The following MTX2 variants were observed in gnomAD, a reference collection of about 807,000 sequenced individuals.
MTX2 encodes the protein metaxin 2.
Under a neutral mutation model 42.3 loss-of-function variants are expected in MTX2, and 35 were observed. The observed-to-expected ratio is 0.83, with a 90% CI of 0.63 to 1.10. MTX2 has a LOEUF of 1.10. Among genes scored for constraint, MTX2 ranks in the 50% least tolerant of loss-of-function variants. The pLI is 0.00. For synonymous variants in MTX2, 119 were observed against 100.9 expected (o/e 1.18, Z -1.08); for missense variants, 307 against 304.1 (o/e 1.01, Z -0.07).
chr2:176,306,976 C>G (rs1684165776), intron 3 of MTX2, among the ~76,000 whole-genome samples: 1 of 152,126 alleles, frequency 6.6e-6, no homozygotes, highest in South Asian at 2.1e-4. Context: ...ACATGAAGTC[C>G]TTGCCCATGC....
At chr2:176,285,006 C>T (rs539292037) in intron 1 of MTX2, among the ~76,000 whole-genome samples, 3 of 152,292 alleles carry the variant, frequency 2.0e-5, no homozygotes, top group South Asian at 4.1e-4. Flanking sequence ...TTGAGAACTA[C>T]TGTTGTAAGA....
Position 176,309,192 on chromosome 2 carries a change from C to T in MTX2, c.135+11297C>T, listed in dbSNP as rs1403019900. Among the ~76,000 whole-genome samples the T allele has an allele frequency of 2.0e-5, 3 of 151,992 alleles. No individual in the cohort carries two copies. In the South Asian group the frequency reaches 6.2e-4, roughly 32 times the overall value. Reference sequence around the variant, plus strand: ...AGCAGGTTGTTCAGTTTCCATGTAGCTGAGCAGTTCTGAGTGAGTTTCTTA... The same window carrying T: ...AGCAGGTTGTTCAGTTTCCATGTAGTTGAGCAGTTCTGAGTGAGTTTCTTA... On this transcript the variant is annotated intron_variant, in intron 3 of 9. Coordinates refer to ENST00000249442, the MANE Select transcript of MTX2 (RefSeq NM_006554.5).
Position 176,329,305 on chromosome 2 carries a change from C to G in MTX2, c.422C>G (p.Thr141Ser), listed in dbSNP as rs748581416. The G allele has an allele frequency of 6.2e-7, 1 of 1,603,538 alleles. No individual in the cohort carries two copies. Among genetic ancestry groups the G allele is most frequent in the Non-Finnish European group, 8.5e-7 (1 of 1,173,868 alleles). ...WCDEATVGEI[T>S]HARYGSPYPW... ...TACAAAATCTTTTTACTTTAGATCA[C>G]TCATGCTAGGTATGGATCTCCTTAC... Residue 141 changes from threonine (T) to serine (S), a missense_variant, in exon 8 of 10, where the codon ACT becomes AGT. Transcript: ENST00000249442.
chr2:176,275,637 A>C (rs1692929179), intron 1 of MTX2, among the ~76,000 whole-genome samples: 1 of 152,110 alleles, frequency 6.6e-6, no homozygotes, highest in African/African-American at 2.4e-5. Context: ...TTTAATGGAG[A>C]GATTTTTCAA....
chr2:176,333,156 GTCTA>G (rs1410040701), intron 9 of MTX2, among the ~76,000 whole-genome samples: 1 of 151,346 alleles, frequency 6.6e-6, no homozygotes, highest in African/African-American at 2.4e-5. Context: ...CTAATAAAAA[GTCTA>G]TAAAGATAAA....
At chr2:176,285,807 T>G (rs915193114) in intron 1 of MTX2, among the ~76,000 whole-genome samples, 1 of 152,224 alleles carries the variant, frequency 6.6e-6, no homozygotes, top group Non-Finnish European at 1.5e-5. Flanking sequence ...CTGGGTTGCT[T>G]TCCTTTTTGA....
In MTX2 at chr2:176,269,474, GC is replaced by G; in HGVS notation, c.-154del. ...GCCAGGCCTGGCGGTAACCTTGGGGGCCTCACTGCAGCCGCCGCTGCTGTTG... is the reference window on the plus strand; with the variant it reads ...GCCAGGCCTGGCGGTAACCTTGGGGGCTCACTGCAGCCGCCGCTGCTGTTG... On this transcript the variant is annotated 5_prime_UTR_variant, in exon 1 of 10. Transcript: ENST00000249442. 1.3e-6 allele frequency: 1 copy of G among 770,856 alleles called. No homozygotes were observed. The highest frequency in any genetic ancestry group is 1.9e-6 in the Non-Finnish European group (1 of 513,006). The allele number at this position is 770,856 out of a possible 1,614,324, so 47.8% of individuals were successfully genotyped here.
At chr2:176,284,330 A>T (rs1693147908) in intron 1 of MTX2, among the ~76,000 whole-genome samples, 1 of 152,150 alleles carries the variant, frequency 6.6e-6, no homozygotes, top group East Asian at 1.9e-4. Context: ...GGAAGAATGG[A>T]AAGTTTTAAA....
At chr2:176,290,773 T>C (rs1273731960) in intron 1 of MTX2, among the ~76,000 whole-genome samples, 1 of 150,788 alleles carries the variant, frequency 6.6e-6, no homozygotes, top group Non-Finnish European at 1.5e-5. Flanking sequence ...TTTCCTCTCA[T>C]GTCATGCTTT....
Position 176,296,858 on chromosome 2 carries a change from A to C in MTX2, c.41-2A>C. 6.2e-7 allele frequency: 1 copy of C among 1,613,424 alleles called. No homozygotes were observed. Among genetic ancestry groups the C allele is most frequent in the African/African-American group, 1.3e-5 (1 of 75,010 alleles). Reference sequence around the variant, plus strand: ...CTAATTATCACTGCCTTGTTTCCATAGCTGCAGAACCTTGGCCTGAAAATG... The same window carrying C: ...CTAATTATCACTGCCTTGTTTCCATCGCTGCAGAACCTTGGCCTGAAAATG... On this transcript the variant is annotated splice_acceptor_variant, in intron 1 of 9. Transcript: ENST00000249442. LOFTEE classifies it high-confidence loss of function.
intron 1 of MTX2, among the ~76,000 whole-genome samples, chr2:176,285,250 A>G (rs1200333102): frequency 1.3e-5 from 2 of 152,096 alleles, no homozygotes; most frequent in African/African-American, 4.8e-5. Context: ...TACCTCATAA[A>G]GTTGTGGGAT....
chr2:176,289,790 C>G (rs1304310276), intron 1 of MTX2, among the ~76,000 whole-genome samples: 1 of 151,852 alleles, frequency 6.6e-6, no homozygotes, highest in Non-Finnish European at 1.5e-5. Flanking sequence ...TAATTTAGAA[C>G]TCTTATAATG....
chr2:176,291,160 A>T (rs1693320395), intron 1 of MTX2, among the ~76,000 whole-genome samples: 1 of 152,160 alleles, frequency 6.6e-6, no homozygotes, highest in African/African-American at 2.4e-5. Context: ...AAGTAGAGTT[A>T]AAAAAGATAA....
chr2:176,297,833 C>T lies in MTX2; in HGVS notation c.89-16C>T, dbSNP rs753747786. 1.3e-6 allele frequency: 2 copies of T among 1,523,592 alleles called. No individual in the cohort carries two copies. The highest frequency in any genetic ancestry group is 3.7e-5 in the Admixed American group (2 of 54,714). The allele number at this position is 1,523,592 out of a possible 1,614,324, so 94.4% of individuals were successfully genotyped here. ...TTCTACTTGGTTAACATTTATGCTT[C>T]ATTGTATTTCCACAGGGGAGCAAAT... is the stretch of plus-strand genomic sequence containing the variant. On this transcript the variant is annotated splice_polypyrimidine_tract_variant and intron_variant, in intron 2 of 9. Coordinates refer to ENST00000249442, the MANE Select transcript of MTX2 (RefSeq NM_006554.5).
chr2:176,295,435 T>C (rs369301259), intron 1 of MTX2, among the ~76,000 whole-genome samples: 9 of 152,186 alleles, frequency 5.9e-5, no homozygotes, highest in African/African-American at 2.2e-4. Context: ...TGGGTTCTTA[T>C]TGAAATTTTA....
At chr2:176,329,772 T>G (rs576057455) in intron 8 of MTX2, among the ~76,000 whole-genome samples, 1 of 150,372 alleles carries the variant, frequency 6.7e-6, no homozygotes, top group African/African-American at 2.4e-5. Flanking sequence ...CTGAGGGTTT[T>G]TTTTTTTTTT....
At chr2:176,302,037 T>C (rs756097835) in intron 3 of MTX2, among the ~76,000 whole-genome samples, 40 of 152,110 alleles carry the variant, frequency 2.6e-4, no homozygotes, top group Non-Finnish European at 5.0e-4. Context: ...AGAAGTCCAA[T>C]GTGCTAGCCG....
At position 176,279,249 on chromosome 2, in the gene MTX2, T is replaced by G. The variant is rs73036829; in HGVS notation, c.40+9580T>G. 7.2e-3 allele frequency among the ~76,000 whole-genome samples: 1,098 copies of G among 152,272 alleles called. 15 individuals are homozygous for G. Among genetic ancestry groups the G allele is most frequent in the African/African-American group, 0.026 (1,060 of 41,568 alleles). On this transcript the variant is annotated intron_variant, in intron 1 of 9. Coordinates refer to ENST00000249442, the MANE Select transcript of MTX2 (RefSeq NM_006554.5). Reference sequence around the variant, plus strand: ...TATTTATTACAGTGGATACAGTATCTTTGAGTATTACAATGGTATTTACCC... The same window carrying G: ...TATTTATTACAGTGGATACAGTATCGTTGAGTATTACAATGGTATTTACCC...
chr2:176,274,898 C>A (rs1575029526), intron 1 of MTX2, among the ~76,000 whole-genome samples: 1 of 152,186 alleles, frequency 6.6e-6, no homozygotes, highest in Non-Finnish European at 1.5e-5. Flanking sequence ...AAGTGTGTGT[C>A]TGCTACAAAA....
Sources: allele counts gnomAD v4.1 joint callset (sites outside exome capture counted in the v4.1 genomes callset), GRCh38; gene constraint gnomAD v4.1.1; transcripts MANE v1.5; gene names NCBI Gene and HGNC (gene_info 2026-07-23, HGNC 2026-07-21).